The following DNAH14 variants were observed in gnomAD, a reference collection of about 807,000 sequenced individuals.
DNAH14 encodes axonemal beta dynein heavy chain 14.
In DNAH14, 478 loss-of-function variants were observed where a neutral mutation model predicts 520.9. That is an observed-to-expected ratio of 0.92 (90% CI 0.85 to 0.99). The LOEUF is 0.99. DNAH14 is among the 50% of genes least tolerant of loss of function. The pLI is 0.00. For missense variants in DNAH14, 4,831 were observed against 5,234.5 expected, an observed-to-expected ratio of 0.92 and a Z score of 2.38; for synonymous variants, 1,581 against 1,757.2, an observed-to-expected ratio of 0.90 and a Z score of 2.51.
intron 41 of DNAH14, among the ~76,000 whole-genome samples, chr1:225,225,516 C>T (rs764977812): frequency 1.3e-5 from 2 of 152,056 alleles, no homozygotes; most frequent in African/African-American, 2.4e-5. Context: ...CCATATAGTA[C>T]CCAAGGACAG....
At chr1:225,051,328 G>A in intron 16 of DNAH14, 123 bp from the exon 17 acceptor site, 2 of 636,306 alleles carry the variant, frequency 3.1e-6, no homozygotes, top group Non-Finnish European at 2.4e-6. Flanking sequence ...TTTAATAGAG[G>A]TTCTTAAAAT....
At chr1:225,171,915 A>C (rs968548670) in intron 36 of DNAH14, among the ~76,000 whole-genome samples, 1 of 152,174 alleles carries the variant, frequency 6.6e-6, no homozygotes, top group African/African-American at 2.4e-5. Context: ...AAGCTTCTCC[A>C]CTATGATCAA....
At chr1:225,082,838 A>G in intron 20 of DNAH14, 99 bp downstream of exon 20, 1 of 995,964 alleles carries the variant, frequency 1.0e-6, no homozygotes, top group Non-Finnish European at 1.5e-6. Flanking sequence ...TTAGGAAAGG[A>G]AGTTTATAAG....
In DNAH14 at chr1:224,944,271, A is replaced by G. The variant is rs1453840665; in HGVS notation, c.-33-8399A>G. Among the ~76,000 whole-genome samples, 5 of 151,842 alleles carry G rather than the reference A, an allele frequency of 3.3e-5. No homozygotes were observed. The East Asian group carries it at 9.7e-4, about 29-fold the overall frequency. ...GTAATGGCCTTCTTTGTCTCTTTTG[A>G]TCTTTGTTGGTTTAAAGTCTATTTT... On this transcript the variant is annotated intron_variant, in intron 1 of 85. Coordinates refer to ENST00000682510, the MANE Select transcript of DNAH14 (RefSeq NM_001367479.1).
chr1:225,240,477 T>C, intron 42 of DNAH14, 116 bp from the exon 43 acceptor site: 1 of 632,206 alleles, frequency 1.6e-6, no homozygotes. Context: ...TGTTAGTACC[T>C]AACTGCATTA....
chr1:225,097,037 T>C (rs1318786485), intron 21 of DNAH14, 81 bp from the exon 22 acceptor site: 5 of 1,191,060 alleles, frequency 4.2e-6, no homozygotes, highest in Non-Finnish European at 5.7e-6. Context: ...TAATCACCTT[T>C]GATCTGTTTC....
intron 55 of DNAH14, among the ~76,000 whole-genome samples, chr1:225,298,130 AC>A (rs2094053477): frequency 2.0e-5 from 3 of 151,918 alleles, no homozygotes; most frequent in African/African-American, 7.3e-5. Context: ...GCCAGGGGCA[AC>A]CCATGTAGCT....
Position 225,335,521 on chromosome 1 carries a change from A to ATATATACATATGTACATATATACG in DNAH14, c.10081-1727_10081-1704dup, listed in dbSNP as rs1322670433. Among the ~76,000 whole-genome samples the ATATATACATATGTACATATATACG allele has an allele frequency of 7.5e-5, 9 of 119,832 alleles. 3 individuals are homozygous for ATATATACATATGTACATATATACG. Among genetic ancestry groups the ATATATACATATGTACATATATACG allele is most frequent in the Admixed American group, 5.5e-4 (7 of 12,770 alleles). The allele number at this position is 119,832 out of a possible 152,430, so 78.6% of individuals were successfully genotyped here. ...TACATGTACACATATACATATGTACATATATACATATGTACATATATACGT... is the reference window on the plus strand; with the variant it reads ...TACATGTACACATATACATATGTACATATATACATATGTACATATATACGTATATACATATGTACATATATACGT... On this transcript the variant is annotated intron_variant, in intron 66 of 85. Transcript: ENST00000682510.
chr1:225,000,285 T>C (rs1408984188), intron 8 of DNAH14, among the ~76,000 whole-genome samples: 1 of 152,158 alleles, frequency 6.6e-6, no homozygotes, highest in Non-Finnish European at 1.5e-5. Flanking sequence ...AAAGTGTTTT[T>C]CCTCTTGCTG....
chr1:225,033,449 G>C (rs1023505603), intron 11 of DNAH14, among the ~76,000 whole-genome samples: 1 of 152,028 alleles, frequency 6.6e-6, no homozygotes, highest in Admixed American at 6.6e-5. Context: ...GCCTGTTTTT[G>C]CACCAGTACC....
At chr1:225,193,149 G>A (rs1451645778) in intron 38 of DNAH14, among the ~76,000 whole-genome samples, 1 of 152,064 alleles carries the variant, frequency 6.6e-6, no homozygotes, top group Non-Finnish European at 1.5e-5. Context: ...TGCTTTTAAA[G>A]GAGCACAAAG....
In DNAH14 at chr1:225,358,517, A is replaced by G. The variant is rs940798754; in HGVS notation, c.11641A>G (p.Ser3881Gly). ...TTAGGTAAAAGTTCTTAGACCAGAA[A>G]GTTTAAACAATTCAGTGAGAAAGTT... ...LILVKVLRPE[S>G]LNNSVRKFIT... Residue 3881 changes from serine to glycine, a missense_variant, in exon 74 of 86, where the codon AGT (serine) becomes GGT (glycine). By Grantham distance (56) the Ser-to-Gly change is moderately conservative. Coordinates refer to ENST00000682510, the MANE Select transcript of DNAH14 (RefSeq NM_001367479.1). The G allele has an allele frequency of 6.6e-6, 10 of 1,526,658 alleles. No individual in the cohort carries two copies. The highest frequency in any genetic ancestry group is 8.8e-6 in the Non-Finnish European group (10 of 1,138,346). The allele number at this position is 1,526,658 out of a possible 1,614,324, so 94.6% of individuals were successfully genotyped here.
intron 31 of DNAH14, among the ~76,000 whole-genome samples, chr1:225,148,432 C>T (rs1354224370): frequency 1.6e-5 from 2 of 124,556 alleles, no homozygotes; most frequent in Non-Finnish European, 3.2e-5. Context: ...GTCGGAGTCT[C>T]ACTCTGTTGC....
chr1:225,227,902 A>G (rs1188642251), intron 41 of DNAH14, among the ~76,000 whole-genome samples: 1 of 152,182 alleles, frequency 6.6e-6, no homozygotes, highest in Non-Finnish European at 1.5e-5. Context: ...TATTTCCATT[A>G]CACCCCAAAA....
At chr1:225,353,124 C>T (rs534071407) in intron 72 of DNAH14, among the ~76,000 whole-genome samples, 5 of 151,954 alleles carry the variant, frequency 3.3e-5, no homozygotes, top group South Asian at 2.1e-4. Flanking sequence ...TCAAAAAAGC[C>T]GTTTCTATAA....
At chr1:225,271,825 C>T (rs2093322774) in intron 50 of DNAH14, 81 bp from the exon 51 acceptor site, 8 of 1,092,512 alleles carry the variant, frequency 7.3e-6, no homozygotes, top group Middle Eastern at 2.2e-4. Flanking sequence ...GTACACAAGT[C>T]CGCTTTTTAG....
chr1:224,976,257 C>G (rs1334059769), intron 8 of DNAH14, among the ~76,000 whole-genome samples: 1 of 152,096 alleles, frequency 6.6e-6, no homozygotes, highest in Non-Finnish European at 1.5e-5. Flanking sequence ...TGGTGTAGAG[C>G]TGAGTTCAAT....
At chr1:225,303,118 A>G (rs548524828) in intron 56 of DNAH14, 38 bp from the exon 57 acceptor site, 1 of 1,331,022 alleles carries the variant, frequency 7.5e-7, no homozygotes, top group South Asian at 1.6e-5. Flanking sequence ...AAAACAGTGG[A>G]TTACATTTTA....
intron 41 of DNAH14, among the ~76,000 whole-genome samples, chr1:225,214,759 T>A (rs952759949): frequency 1.1e-4 from 17 of 152,254 alleles, no homozygotes; most frequent in African/African-American, 4.1e-4. Flanking sequence ...TGATATCCCC[T>A]TTGTCATTTT....
Sources: gnomAD v4.1 joint callset for allele counts (sites outside exome capture counted in the v4.1 genomes callset) on GRCh38, gnomAD v4.1.1 for gene constraint, MANE v1.5 for transcripts, NCBI Gene and HGNC (gene_info 2026-07-23, HGNC 2026-07-21) for gene names.